The following ASAP1 variants were observed in gnomAD, a reference collection of about 807,000 sequenced individuals.
ASAP1 encodes the protein arf-GAP with SH3 domain, ANK repeat and PH domain-containing protein 1.
In ASAP1, 43 loss-of-function variants were observed where a neutral mutation model predicts 145.2. That is an observed-to-expected ratio of 0.30 (90% CI 0.23 to 0.38). The LOEUF is 0.38. ASAP1 is among the 10% of genes least tolerant of loss of function. ASAP1 has a pLI of 1.00. For synonymous variants in ASAP1, 546 were observed against 515.5 expected, an observed-to-expected ratio of 1.06 and a Z score of -0.80; for missense variants, 1,018 against 1,355.3, an observed-to-expected ratio of 0.75 and a Z score of 3.91.
intron 26 of ASAP1, among the ~76,000 whole-genome samples, chr8:130,076,945 G>C (rs2097463752): frequency 6.6e-6 from 1 of 152,168 alleles, no homozygotes; most frequent in Admixed American, 6.5e-5. Context: ...CCACTTCAAA[G>C]CATTTATGAA....
chr8:130,145,088 T>C (rs890534724), intron 13 of ASAP1, among the ~76,000 whole-genome samples: 1 of 152,192 alleles, frequency 6.6e-6, no homozygotes, highest in Admixed American at 6.5e-5. Context: ...ATGTGCTAGA[T>C]AGTCATCCAC....
intron 23 of ASAP1, among the ~76,000 whole-genome samples, chr8:130,112,924 T>G (rs190356573): frequency 1.6e-4 from 24 of 152,314 alleles, no homozygotes; most frequent in Admixed American, 1.4e-3. Flanking sequence ...CTGCCCAGGT[T>G]AGAAACCTCA....
At chr8:130,146,713 C>T (rs953444878) in intron 13 of ASAP1, among the ~76,000 whole-genome samples, 3 of 152,128 alleles carry the variant, frequency 2.0e-5, no homozygotes, top group African/African-American at 7.2e-5. Context: ...ATGTTATCTT[C>T]AGCGCTCTGG....
At chr8:130,429,629 G>A (rs1830068202) in intron 1 of ASAP1, among the ~76,000 whole-genome samples, 1 of 152,062 alleles carries the variant, frequency 6.6e-6, no homozygotes, top group African/African-American at 2.4e-5. Context: ...CTCTGTTTCA[G>A]GTCCCATGTG....
intron 3 of ASAP1, among the ~76,000 whole-genome samples, chr8:130,291,428 G>A (rs1821937938): frequency 6.6e-6 from 1 of 152,164 alleles, no homozygotes; most frequent in African/African-American, 2.4e-5. Flanking sequence ...AAGGGGAAAG[G>A]TCTGCTGAAA....
chr8:130,076,752 C>T (rs1008257524), intron 26 of ASAP1, among the ~76,000 whole-genome samples: 2 of 152,200 alleles, frequency 1.3e-5, no homozygotes, highest in Admixed American at 6.5e-5. Context: ...TACTCCTGAG[C>T]TCGTGGATCC....
chr8:130,149,198 A>G (rs2097640455), intron 13 of ASAP1, among the ~76,000 whole-genome samples: 1 of 148,544 alleles, frequency 6.7e-6, no homozygotes, highest in Non-Finnish European at 1.5e-5. Context: ...TGGAACTGGT[A>G]TTTTGAAATG....
intron 3 of ASAP1, among the ~76,000 whole-genome samples, chr8:130,267,152 A>AAAAC (rs1267104719): frequency 2.0e-5 from 3 of 151,106 alleles, no homozygotes; most frequent in East Asian, 3.9e-4. Flanking sequence ...AAAACAAAAC[A>AAAAC]AAAAAAAACT....
At chr8:130,095,622 CTTT>C (rs141561036) in intron 24 of ASAP1, among the ~76,000 whole-genome samples, 1 of 129,926 alleles carries the variant, frequency 7.7e-6, no homozygotes. Context: ...ATTCTTTTGT[CTTT>C]TTTTTTTTTT....
chr8:130,092,663 C>T (rs1208192384), intron 24 of ASAP1, among the ~76,000 whole-genome samples: 2 of 151,918 alleles, frequency 1.3e-5, no homozygotes, highest in Non-Finnish European at 2.9e-5. Context: ...GAACAAAATG[C>T]CAGTCAACAC....
At chr8:130,087,892 T>C (rs1201517408) in intron 25 of ASAP1, among the ~76,000 whole-genome samples, 1 of 152,128 alleles carries the variant, frequency 6.6e-6, no homozygotes, top group Non-Finnish European at 1.5e-5. Context: ...ACATCTTCTC[T>C]GAAGACTAGA....
At chr8:130,251,051 A>G (rs1819165800) in intron 3 of ASAP1, among the ~76,000 whole-genome samples, 1 of 152,210 alleles carries the variant, frequency 6.6e-6, no homozygotes, top group Admixed American at 6.5e-5. Context: ...TACAATCAGA[A>G]TACCTAGTTT....
chr8:130,351,771 T>G (rs940182125), intron 3 of ASAP1, among the ~76,000 whole-genome samples: 2 of 152,130 alleles, frequency 1.3e-5, no homozygotes, highest in African/African-American at 4.8e-5. Flanking sequence ...GCCCCCACGA[T>G]CCAATCACAT....
chr8:130,135,173 G>A (rs1339222309), intron 14 of ASAP1, among the ~76,000 whole-genome samples: 1 of 152,188 alleles, frequency 6.6e-6, no homozygotes, highest in African/African-American at 2.4e-5. Context: ...ATCTCTCTTG[G>A]AGAGAGAGAC....
At chr8:130,245,936 C>T (rs1421715400) in intron 3 of ASAP1, among the ~76,000 whole-genome samples, 1 of 152,070 alleles carries the variant, frequency 6.6e-6, no homozygotes, top group South Asian at 2.1e-4. Context: ...ACTATCTAAT[C>T]GCCCCGGGAC....
intron 2 of ASAP1, among the ~76,000 whole-genome samples, chr8:130,363,453 A>G (rs1826809139): frequency 6.6e-6 from 1 of 152,234 alleles, no homozygotes; most frequent in Non-Finnish European, 1.5e-5. Flanking sequence ...TTTGCTAAGT[A>G]TAGAATTTAG....
At chr8:130,081,216 C>T (rs79233826) in intron 25 of ASAP1, among the ~76,000 whole-genome samples, 2,312 of 152,238 alleles carry the variant, frequency 0.015, 32 homozygotes, top group African/African-American at 0.039. Context: ...AACTTTCTAG[C>T]GGGTGAGCAG....
At chr8:130,305,739 C>T (rs1822952414) in intron 3 of ASAP1, among the ~76,000 whole-genome samples, 2 of 152,050 alleles carry the variant, frequency 1.3e-5, no homozygotes, top group Admixed American at 1.3e-4. Context: ...AACTAAAGAC[C>T]AGATCAGTTA....
At chr8:130,155,200 C>G (rs1450997759) in intron 12 of ASAP1, among the ~76,000 whole-genome samples, 2 of 152,168 alleles carry the variant, frequency 1.3e-5, no homozygotes, top group Admixed American at 6.5e-5. Flanking sequence ...AATACACACA[C>G]ACGCGCGCAC....
Sources: allele counts gnomAD v4.1 joint callset (sites outside exome capture counted in the v4.1 genomes callset), GRCh38; gene constraint gnomAD v4.1.1; transcripts MANE v1.5; gene names NCBI Gene and HGNC (gene_info 2026-07-23, HGNC 2026-07-21).